The following DOCK2 variants were observed in gnomAD, a reference collection of about 807,000 sequenced individuals.
The protein encoded by DOCK2 is dedicator of cytokinesis 2, also known as dedicator of cytokinesis protein 2.
DOCK2 carries 87 observed loss-of-function variants against 248.9 expected under a neutral mutation model. The ratio of observed to expected loss-of-function variants is 0.35; its 90% CI spans 0.29 to 0.42. The LOEUF (loss-of-function observed/expected upper bound fraction) is 0.42. DOCK2 is among the 10% of genes least tolerant of loss of function. The pLI, the probability that DOCK2 is intolerant of heterozygous loss-of-function variation, is 1.00. For missense variants in DOCK2, 1,747 were observed against 2,300.2 expected, an observed-to-expected ratio of 0.76 and a Z score of 4.92; for synonymous variants, 805 against 821.6, an observed-to-expected ratio of 0.98 and a Z score of 0.35.
intron 2 of DOCK2, among the ~76,000 whole-genome samples, chr5:169,657,624 A>G (rs932281400): frequency 1.3e-5 from 2 of 152,212 alleles, no homozygotes; most frequent in African/African-American, 2.4e-5. Context: ...CACTTCCTTC[A>G]GTCATATTTG....
At chr5:169,667,431 T>C (rs1758800495) in intron 2 of DOCK2, among the ~76,000 whole-genome samples, 2 of 152,240 alleles carry the variant, frequency 1.3e-5, no homozygotes, top group South Asian at 4.1e-4. Flanking sequence ...ACAGTGTCGC[T>C]CTGAGGATTA....
intron 26 of DOCK2, among the ~76,000 whole-genome samples, chr5:169,838,376 GGA>G (rs2113322215): frequency 6.6e-6 from 1 of 152,302 alleles, no homozygotes; most frequent in African/African-American, 2.4e-5. Context: ...TCTGAACAAT[GGA>G]GAGAGTAATG....
chr5:170,079,371 C>T (rs1561911992), intron 49 of DOCK2: 3 of 524,462 alleles, frequency 5.7e-6, no homozygotes, highest in African/African-American at 1.9e-5. Flanking sequence ...GAGCCCTGAC[C>T]TTTGCACTTC....
intron 27 of DOCK2, among the ~76,000 whole-genome samples, chr5:169,938,225 CTT>C (rs573891252): frequency 2.6e-4 from 37 of 143,190 alleles, no homozygotes; most frequent in Admixed American, 2.8e-4. Flanking sequence ...TTTCTTTCTT[CTT>C]TTTTTTTTTT....
chr5:169,775,786 T>G (rs1765352796), intron 25 of DOCK2, among the ~76,000 whole-genome samples: 1 of 151,974 alleles, frequency 6.6e-6, no homozygotes, highest in South Asian at 2.1e-4. Context: ...CCAGTGTATG[T>G]GACACAGGCC....
chr5:169,760,437 C>CT (rs1300040478), intron 24 of DOCK2, among the ~76,000 whole-genome samples: 6 of 152,146 alleles, frequency 3.9e-5, no homozygotes, highest in African/African-American at 1.4e-4. Flanking sequence ...AACTATGGCA[C>CT]ATTTATAAAA....
intron 41 of DOCK2, among the ~76,000 whole-genome samples, chr5:170,052,143 T>G (rs1185215646): frequency 6.6e-6 from 1 of 152,256 alleles, no homozygotes; most frequent in East Asian, 1.9e-4. Flanking sequence ...AAGTCTGGTC[T>G]GCTCAGTCTG....
Position 169,709,389 on chromosome 5 carries a change from T to C in DOCK2, c.1482+1122T>C, listed in dbSNP as rs4867880. Among the ~76,000 whole-genome samples, 775 of 152,248 alleles carry C rather than the reference T, an allele frequency of 5.1e-3. 29 individuals carry two copies. In the East Asian group the frequency reaches 0.077, roughly 15 times the overall value. ...CCCCGCAAAATGTTTTGTGGAATAC[T>C]AAGTGGTGTTTTATTAAAATAACGT... On this transcript the variant is annotated intron_variant, in intron 15 of 51. Transcript: ENST00000520908.
chr5:169,675,480 G>A (rs555227325), intron 6 of DOCK2, among the ~76,000 whole-genome samples: 1 of 152,322 alleles, frequency 6.6e-6, no homozygotes, highest in African/African-American at 2.4e-5. Flanking sequence ...CCAATTAGGA[G>A]TAAGCCACAA....
rs1284932260 is a variant in DOCK2, at chr5:169,810,979, TCTCTCTCTCTCA to T, written c.2703+7775_2703+7786del. Among the ~76,000 whole-genome samples, 4 of 136,298 alleles carry T rather than the reference TCTCTCTCTCTCA, an allele frequency of 2.9e-5. No individual in the cohort carries two copies. The South Asian group carries it at 6.6e-4, about 23-fold the overall frequency. The allele number at this position is 136,298 out of a possible 152,430, so 89.4% of individuals were successfully genotyped here. On this transcript the variant is annotated intron_variant, in intron 26 of 51. Coordinates refer to ENST00000520908, the MANE Select transcript of DOCK2 (RefSeq NM_004946.3). ...TACACACACACACACAGACTCTCTC[TCTCTCTCTCTCA>T]CACACACACACACACACACACACAC...
intron 27 of DOCK2, among the ~76,000 whole-genome samples, chr5:169,925,386 C>T (rs568144543): frequency 6.6e-6 from 1 of 152,174 alleles, no homozygotes; most frequent in Admixed American, 6.5e-5. Context: ...TAAAGACCAG[C>T]CTGGCCAACA....
chr5:170,032,642 A>G (rs1756180859), intron 34 of DOCK2, among the ~76,000 whole-genome samples: 1 of 152,234 alleles, frequency 6.6e-6, no homozygotes, highest in South Asian at 2.1e-4. Context: ...AGGAGGAGGC[A>G]TGCACAGCTG....
At chr5:169,953,989 A>T (rs758851735) in intron 27 of DOCK2, among the ~76,000 whole-genome samples, 1 of 152,242 alleles carries the variant, frequency 6.6e-6, no homozygotes, top group Non-Finnish European at 1.5e-5. Flanking sequence ...GGCACAGAGT[A>T]AGTGATTTAT....
chr5:170,027,353 G>A (rs1401203514), intron 33 of DOCK2, among the ~76,000 whole-genome samples: 3 of 152,054 alleles, frequency 2.0e-5, no homozygotes, highest in Non-Finnish European at 4.4e-5. Context: ...TAGGACTGGT[G>A]TGATCACCAA....
At chr5:169,909,963 T>G (rs1285497835) in intron 27 of DOCK2, among the ~76,000 whole-genome samples, 1 of 152,210 alleles carries the variant, frequency 6.6e-6, no homozygotes, top group African/African-American at 2.4e-5. Flanking sequence ...AAAATGCCAC[T>G]CAAATTCTGC....
chr5:169,716,879 A>C (rs1399168317), intron 20 of DOCK2, among the ~76,000 whole-genome samples: 1 of 152,204 alleles, frequency 6.6e-6, no homozygotes. Flanking sequence ...TGCCCAACAA[A>C]GTTTTTAAGT....
chr5:170,044,114 A>G (rs75058877), intron 38 of DOCK2, among the ~76,000 whole-genome samples: 4,099 of 152,214 alleles, frequency 0.027, 188 homozygotes, highest in African/African-American at 0.094. Flanking sequence ...TTCGTTCCCT[A>G]TACCTCCTCA....
chr5:170,069,099 TG>T (rs751142820), intron 45 of DOCK2, 37 bp from the exon 46 acceptor site: 1 of 1,591,660 alleles, frequency 6.3e-7, no homozygotes, highest in Non-Finnish European at 8.6e-7. Flanking sequence ...AAATGCCACA[TG>T]AACAGGAAAC....
At chr5:169,690,548 T>C (rs949822922) in intron 9 of DOCK2, among the ~76,000 whole-genome samples, 1 of 152,248 alleles carries the variant, frequency 6.6e-6, no homozygotes, top group East Asian at 1.9e-4. Flanking sequence ...TAGGTCCTAA[T>C]TGCTTAGGCA....
Sources: allele counts gnomAD v4.1 joint callset (sites outside exome capture counted in the v4.1 genomes callset), GRCh38; gene constraint gnomAD v4.1.1; transcripts MANE v1.5; gene names NCBI Gene and HGNC (gene_info 2026-07-23, HGNC 2026-07-21).